The following REEP3 variants were observed in gnomAD, a reference collection of about 807,000 sequenced individuals.
REEP3 encodes the protein receptor expression-enhancing protein 3.
In REEP3, 20 loss-of-function variants were observed where a neutral mutation model predicts 41.3. The ratio of observed to expected loss-of-function variants is 0.48; its 90% CI spans 0.34 to 0.70. The LOEUF is 0.70. Ranked by LOEUF, REEP3 falls within the 30% of genes least tolerant of loss-of-function variation. The probability of loss-of-function intolerance (pLI) is 0.01; values close to 1 mark genes in which losing one functional copy is unlikely to be tolerated. For synonymous variants in REEP3, 104 were observed against 101.8 expected (o/e 1.02, Z -0.13); for missense variants, 271 against 308.8 (o/e 0.88, Z 0.92).
chr10:63,600,712 C>T (rs1324143053), intron 5 of REEP3, among the ~76,000 whole-genome samples: 2 of 152,112 alleles, frequency 1.3e-5, no homozygotes, highest in Non-Finnish European at 2.9e-5. Flanking sequence ...TTTCCCAGAA[C>T]TGAAGGATAT....
At chr10:63,555,119 C>A (rs1485275624) in intron 1 of REEP3, among the ~76,000 whole-genome samples, 1 of 152,090 alleles carries the variant, frequency 6.6e-6, no homozygotes, top group Non-Finnish European at 1.5e-5. Flanking sequence ...ATGAAAATTC[C>A]AAGTTTCATA....
At chr10:63,592,530 G>GT (rs1203573835) in intron 2 of REEP3, among the ~76,000 whole-genome samples, 4 of 152,296 alleles carry the variant, frequency 2.6e-5, no homozygotes, top group African/African-American at 7.2e-5. Context: ...ACACGGTTCA[G>GT]TTTGTAGTCA....
intron 1 of REEP3, among the ~76,000 whole-genome samples, chr10:63,544,431 G>A (rs946265040): frequency 2.0e-5 from 3 of 152,180 alleles, no homozygotes; most frequent in African/African-American, 7.2e-5. Context: ...TTGGGACATG[G>A]GAACAGATAT....
intron 2 of REEP3, among the ~76,000 whole-genome samples, chr10:63,583,434 T>G (rs774007191): frequency 4.6e-5 from 7 of 152,230 alleles, no homozygotes; most frequent in Non-Finnish European, 7.3e-5. Flanking sequence ...CAGTAGTATA[T>G]AGGGGCTGTT....
chr10:63,620,218 C>T (rs1956343345), intron 7 of REEP3, among the ~76,000 whole-genome samples: 1 of 152,144 alleles, frequency 6.6e-6, no homozygotes, highest in Non-Finnish European at 1.5e-5. Context: ...CAGGCGTGAG[C>T]CACCTCACCT....
At chr10:63,610,374 A>C in intron 6 of REEP3, 40 bp downstream of exon 6, 1 of 1,544,448 alleles carries the variant, frequency 6.5e-7, no homozygotes, top group Non-Finnish European at 8.8e-7. Context: ...TTTTACATGG[A>C]AACAGGGAGG....
At chr10:63,596,390 A>G (rs1029031782) in intron 3 of REEP3, among the ~76,000 whole-genome samples, 5 of 148,744 alleles carry the variant, frequency 3.4e-5, no homozygotes, top group Non-Finnish European at 7.5e-5. Flanking sequence ...AATGTAGCCT[A>G]TATATGTTAT....
At chr10:63,545,695 T>G (rs1372615116) in intron 1 of REEP3, among the ~76,000 whole-genome samples, 11 of 143,256 alleles carry the variant, frequency 7.7e-5, no homozygotes, top group Middle Eastern at 3.5e-3. Flanking sequence ...TTTTTTTTTT[T>G]TTTTTTTTTT....
At chr10:63,555,255 G>GT (rs886264757) in intron 1 of REEP3, among the ~76,000 whole-genome samples, 6 of 151,924 alleles carry the variant, frequency 3.9e-5, no homozygotes, top group Non-Finnish European at 8.8e-5. Flanking sequence ...GGCTGTTGTT[G>GT]TTTTTTTCCC....
Position 63,598,084 on chromosome 10 carries a change from C to A in REEP3, c.243C>A (p.Thr81=). The A allele has an allele frequency of 6.3e-7, 1 of 1,598,674 alleles. No individual in the cohort carries two copies. The highest frequency in any genetic ancestry group is 8.6e-7 in the Non-Finnish European group (1 of 1,166,190). Residue 81 remains threonine (T), a synonymous_variant, in exon 4 of 8, where the codon ACC becomes ACA. Transcript: ENST00000373758. ...TCATATGGCTGCTTTCTCCCTATAC[C>A]AAAGGAGCAAGTTTAATATATAGAA... is the stretch of plus-strand genomic sequence containing the variant. The part of the protein sequence containing the change: ...AFVIWLLSPY[T]KGASLIYRKF...
At chr10:63,552,248 CAAAAA>C (rs11455257) in intron 1 of REEP3, among the ~76,000 whole-genome samples, 1 of 143,848 alleles carries the variant, frequency 7.0e-6, no homozygotes. Context: ...ACTAAAAATA[CAAAAA>C]AAAAAAAATT....
intron 2 of REEP3, among the ~76,000 whole-genome samples, chr10:63,586,708 T>A (rs1402738237): frequency 6.6e-6 from 1 of 152,176 alleles, no homozygotes; most frequent in Non-Finnish European, 1.5e-5. Flanking sequence ...TTTTTTATGG[T>A]AGGGGTAGAG....
chr10:63,595,670 G>A (rs781458972), intron 3 of REEP3, among the ~76,000 whole-genome samples: 3 of 151,814 alleles, frequency 2.0e-5, no homozygotes, highest in African/African-American at 7.3e-5. Flanking sequence ...TCTACCTCCC[G>A]GGTTCAAGCG....
intron 2 of REEP3, among the ~76,000 whole-genome samples, chr10:63,590,575 G>A (rs1420316470): frequency 2.0e-5 from 3 of 152,052 alleles, no homozygotes; most frequent in Non-Finnish European, 4.4e-5. Context: ...ATAGAAGGGA[G>A]GTGCAGAATA....
intron 1 of REEP3, among the ~76,000 whole-genome samples, chr10:63,550,462 A>ACCTG (rs1452619421): frequency 6.6e-6 from 1 of 152,224 alleles, no homozygotes; most frequent in Non-Finnish European, 1.5e-5. Context: ...CACACAGCAG[A>ACCTG]CCTGGGAATT....
chr10:63,542,725 T>G (rs983282976), intron 1 of REEP3, among the ~76,000 whole-genome samples: 28 of 152,140 alleles, frequency 1.8e-4, no homozygotes, highest in Admixed American at 3.9e-4. Flanking sequence ...AAAATAAGCT[T>G]CTGGAATTTT....
chr10:63,586,876 A>G (rs544991210), intron 2 of REEP3, among the ~76,000 whole-genome samples: 4 of 152,236 alleles, frequency 2.6e-5, no homozygotes, highest in East Asian at 1.9e-4. Flanking sequence ...GTTTTGTGCC[A>G]GGTACTGTAC....
chr10:63,535,545 A>G (rs1033401296), intron 1 of REEP3, among the ~76,000 whole-genome samples: 4 of 152,184 alleles, frequency 2.6e-5, no homozygotes, highest in African/African-American at 9.7e-5. Flanking sequence ...TCAAGAAGAC[A>G]ACTGTGAAGA....
chr10:63,622,697 C>T lies in REEP3; in HGVS notation c.*1828C>T, dbSNP rs918181991. 2 of 131,562 alleles carry T rather than the reference C, an allele frequency of 1.5e-5. No individual in the cohort carries two copies. The highest frequency in any genetic ancestry group is 3.2e-5 in the Non-Finnish European group (2 of 63,192). The allele number at this position is 131,562 out of a possible 1,614,324, so 8.1% of individuals were successfully genotyped here. On this transcript the variant is annotated 3_prime_UTR_variant, in exon 8 of 8. Coordinates refer to ENST00000373758, the MANE Select transcript of REEP3 (RefSeq NM_001001330.3). ...TTTATCTGTGGGAGCTGATTTGCAC[C>T]ATTTTACCTTTTTTTTTTTTTTTTT... is the stretch of plus-strand genomic sequence containing the variant.
Sources: gnomAD v4.1 joint callset for allele counts (sites outside exome capture counted in the v4.1 genomes callset) on GRCh38, gnomAD v4.1.1 for gene constraint, MANE v1.5 for transcripts, NCBI Gene and HGNC (gene_info 2026-07-23, HGNC 2026-07-21) for gene names.